Variants in KCND2 observed in about 807,000 individuals in gnomAD.
KCND2 encodes the protein potassium voltage-gated channel subfamily D member 2.
A neutral mutation model predicts 54.4 loss-of-function variants in KCND2; 16 were observed. The ratio of observed to expected loss-of-function variants is 0.29; its 90% CI spans 0.20 to 0.45. The LOEUF is 0.45. Ranked by LOEUF, KCND2 falls within the 20% of genes least tolerant of loss-of-function variation. The probability of loss-of-function intolerance (pLI) is 1.00; values close to 1 mark genes in which losing one functional copy is unlikely to be tolerated. For missense variants in KCND2, 486 were observed against 824.2 expected (o/e 0.59, Z 5.02); for synonymous variants, 317 against 310.7 (o/e 1.02, Z -0.21).
intron 1 of KCND2, among the ~76,000 whole-genome samples, chr7:120,562,618 A>G (rs1434707800): frequency 6.6e-6 from 1 of 152,240 alleles, no homozygotes; most frequent in Non-Finnish European, 1.5e-5. Context: ...GACTGCATCA[A>G]GTTGATATCT....
At chr7:120,507,655 C>T (rs1438992653) in intron 1 of KCND2, among the ~76,000 whole-genome samples, 1 of 151,856 alleles carries the variant, frequency 6.6e-6, no homozygotes, top group Non-Finnish European at 1.5e-5. Context: ...ACATGTTATG[C>T]AGTATCAAGA....
intron 1 of KCND2, among the ~76,000 whole-genome samples, chr7:120,455,323 T>G (rs182841598): frequency 1.3e-5 from 2 of 152,212 alleles, no homozygotes; most frequent in Admixed American, 1.3e-4. Context: ...AGCATGACAC[T>G]GGTACAAAAA....
Position 120,465,087 on chromosome 7 carries a change from A to C in KCND2, c.1115+189340A>C, listed in dbSNP as rs912825893. 4.6e-5 allele frequency among the ~76,000 whole-genome samples: 7 copies of C among 152,128 alleles called. No individual in the cohort carries two copies. In the East Asian group the frequency reaches 1.3e-3, roughly 29 times the overall value. The stretch of plus-strand genomic sequence containing the variant: ...GACATTCCAAATTTTTGCACACCAC[A>C]CTTGGAGAAGTCTTTTTTACAGAGG... On this transcript the variant is annotated intron_variant, in intron 1 of 5. Transcript: ENST00000331113.
At chr7:120,449,105 G>A (rs571334051) in intron 1 of KCND2, among the ~76,000 whole-genome samples, 18 of 152,096 alleles carry the variant, frequency 1.2e-4, no homozygotes, top group East Asian at 7.8e-4. Context: ...CGAGGTGGGC[G>A]GATCACAAGG....
intron 1 of KCND2, among the ~76,000 whole-genome samples, chr7:120,599,126 T>C (rs1453760722): frequency 6.6e-6 from 1 of 152,176 alleles, no homozygotes; most frequent in African/African-American, 2.4e-5. Context: ...AGAAAATCAG[T>C]TACACAGATA....
chr7:120,384,351 T>C (rs1349612062), intron 1 of KCND2, among the ~76,000 whole-genome samples: 1 of 152,016 alleles, frequency 6.6e-6, no homozygotes, highest in East Asian at 1.9e-4. Flanking sequence ...TTATTAAATA[T>C]AAACAGGAAG....
intron 1 of KCND2, among the ~76,000 whole-genome samples, chr7:120,609,477 A>C (rs1196743414): frequency 6.6e-6 from 1 of 152,158 alleles, no homozygotes; most frequent in East Asian, 1.9e-4. Flanking sequence ...TCTTTGGGGA[A>C]GGCTAATGCA....
chr7:120,594,989 C>T (rs56193398), intron 1 of KCND2, among the ~76,000 whole-genome samples: 6,466 of 150,404 alleles, frequency 0.043, 240 homozygotes, highest in Middle Eastern at 0.063. Flanking sequence ...CACTGCACTC[C>T]AGCCTTGGCA....
At chr7:120,745,107 G>A (rs1180734111) in intron 4 of KCND2, among the ~76,000 whole-genome samples, 4 of 152,048 alleles carry the variant, frequency 2.6e-5, no homozygotes, top group African/African-American at 7.2e-5. Context: ...GATGTATTAC[G>A]AAGATTACAA....
intron 1 of KCND2, among the ~76,000 whole-genome samples, chr7:120,660,529 A>AT (rs1319025359): frequency 2.6e-5 from 4 of 152,212 alleles, no homozygotes; most frequent in African/African-American, 9.6e-5. Context: ...TTAGTTTGCT[A>AT]TAAAAACATA....
chr7:120,409,623 G>A (rs79620720), intron 1 of KCND2, among the ~76,000 whole-genome samples: 1 of 151,932 alleles, frequency 6.6e-6, no homozygotes, highest in East Asian at 1.9e-4. Context: ...TGGTTTTAAT[G>A]TGTGTTTCTC....
chr7:120,584,455 G>A (rs1365240569), intron 1 of KCND2, among the ~76,000 whole-genome samples: 2 of 152,196 alleles, frequency 1.3e-5, no homozygotes, highest in South Asian at 2.1e-4. Context: ...GAGAGGAAAA[G>A]CATTCACGCA....
chr7:120,571,422 A>G (rs1390322789), intron 1 of KCND2, among the ~76,000 whole-genome samples: 1 of 152,200 alleles, frequency 6.6e-6, no homozygotes, highest in Non-Finnish European at 1.5e-5. Flanking sequence ...TCCACATAGC[A>G]ATGATTCAAT....
chr7:120,556,746 T>A (rs1792171030), intron 1 of KCND2, among the ~76,000 whole-genome samples: 1 of 152,048 alleles, frequency 6.6e-6, no homozygotes, highest in African/African-American at 2.4e-5. Flanking sequence ...TGAAAAAAAA[T>A]ATGTACCTGC....
chr7:120,545,282 T>A (rs1038462768), intron 1 of KCND2, among the ~76,000 whole-genome samples: 1 of 151,888 alleles, frequency 6.6e-6, no homozygotes, highest in Non-Finnish European at 1.5e-5. Context: ...TAGTACAAGA[T>A]CAAACAAAGC....
chr7:120,526,556 T>C (rs1467092917), intron 1 of KCND2, among the ~76,000 whole-genome samples: 2 of 152,158 alleles, frequency 1.3e-5, no homozygotes, highest in Non-Finnish European at 2.9e-5. Context: ...ATGGAATTAT[T>C]TTGAGAAACT....
At chr7:120,281,578 CGTCATTTATA>C (rs1554421858) in intron 1 of KCND2, among the ~76,000 whole-genome samples, 3 of 152,110 alleles carry the variant, frequency 2.0e-5, no homozygotes, top group Non-Finnish European at 4.4e-5. Context: ...AGCAAGCCTA[CGTCATTTATA>C]GTTGGAATTG....
At chr7:120,396,804 A>G (rs1584761387) in intron 1 of KCND2, among the ~76,000 whole-genome samples, 1 of 152,040 alleles carries the variant, frequency 6.6e-6, no homozygotes, top group East Asian at 1.9e-4. Flanking sequence ...TACATACCAC[A>G]GACATTATGG....
intron 1 of KCND2, among the ~76,000 whole-genome samples, chr7:120,326,245 G>A (rs182710800): frequency 6.6e-6 from 1 of 152,174 alleles, no homozygotes; most frequent in Non-Finnish European, 1.5e-5. Context: ...TGCCTAGAAA[G>A]AGCACTCTGA....
Sources: allele counts gnomAD v4.1 joint callset (sites outside exome capture counted in the v4.1 genomes callset), GRCh38; gene constraint gnomAD v4.1.1; transcripts MANE v1.5; gene names NCBI Gene and HGNC (gene_info 2026-07-23, HGNC 2026-07-21).